The following SEMA3D variants were observed in gnomAD, a reference collection of about 807,000 sequenced individuals.
The protein encoded by SEMA3D is semaphorin 3D.
Under a neutral mutation model 100.1 loss-of-function variants are expected in SEMA3D, and 84 were observed. The ratio of observed to expected loss-of-function variants is 0.84; its 90% CI spans 0.70 to 1.01. The LOEUF (loss-of-function observed/expected upper bound fraction) is 1.01. SEMA3D is among the 50% of genes least tolerant of loss of function. SEMA3D has a pLI of 0.00. For missense variants in SEMA3D, 875 were observed against 934.1 expected (o/e 0.94, Z 0.82); for synonymous variants, 312 against 320.7 (o/e 0.97, Z 0.29).
At chr7:85,159,604 G>A (rs1282495066) in intron 1 of SEMA3D, among the ~76,000 whole-genome samples, 4 of 152,140 alleles carry the variant, frequency 2.6e-5, no homozygotes, top group Non-Finnish European at 5.9e-5. Context: ...AAGTGGTCAA[G>A]GTTCTTCTCA....
chr7:85,200,183 A>T, the SEMA3D span, among the ~76,000 whole-genome samples: 1 of 152,214 alleles, frequency 6.6e-6, no homozygotes, highest in African/African-American at 2.4e-5. Flanking sequence ...CTGAAAAGAT[A>T]CTAAAAAATG....
chr7:85,179,765 C>T (rs1206660780), intron 1 of SEMA3D, among the ~76,000 whole-genome samples: 1 of 151,792 alleles, frequency 6.6e-6, no homozygotes, highest in Non-Finnish European at 1.5e-5. Flanking sequence ...GGGCTCACAC[C>T]ATTCTCCTGC....
chr7:85,161,627 C>T (rs1384225667), intron 1 of SEMA3D, among the ~76,000 whole-genome samples: 1 of 151,992 alleles, frequency 6.6e-6, no homozygotes, highest in African/African-American at 2.4e-5. Flanking sequence ...AGTGAGATGG[C>T]TCTTCACAGA....
intron 12 of SEMA3D, chr7:85,029,428 C>T: frequency 1.3e-6 from 1 of 784,246 alleles, no homozygotes; most frequent in Non-Finnish European, 2.3e-6. Context: ...AGATGAGAAA[C>T]TTCAAGTCAA....
rs533259159 is a variant in SEMA3D, at chr7:85,170,498, T to C, written c.-173+16180A>G. Among the ~76,000 whole-genome samples the C allele has an allele frequency of 8.5e-5, 13 of 152,056 alleles. No individual in the cohort carries two copies. The East Asian group carries it at 9.7e-4, about 11-fold the overall frequency. On this transcript the variant is annotated intron_variant, in intron 1 of 18. Transcript: ENST00000284136. ...CTCAGGGAATCTAGGTCCTGAGAGA[T>C]ATATAAAAAGTTCTATGTCAGGCAG...
At chr7:85,142,004 A>G in intron 2 of SEMA3D, 2 of 979,052 alleles carry the variant, frequency 2.0e-6, no homozygotes, top group Non-Finnish European at 2.4e-6. Context: ...TAATGCATCA[A>G]GGTACTATTT....
chr7:85,044,623 C>T (rs2116008991), intron 9 of SEMA3D, among the ~76,000 whole-genome samples: 1 of 152,114 alleles, frequency 6.6e-6, no homozygotes, highest in Admixed American at 6.6e-5. Flanking sequence ...TTAAATGATT[C>T]CAAATCATTA....
At chr7:85,063,466 T>C (rs897911172) in intron 8 of SEMA3D, among the ~76,000 whole-genome samples, 3 of 152,214 alleles carry the variant, frequency 2.0e-5, no homozygotes, top group Non-Finnish European at 4.4e-5. Flanking sequence ...TCTCCTACCT[T>C]CAATTTATTT....
the SEMA3D span, among the ~76,000 whole-genome samples, chr7:85,211,601 G>A: frequency 6.6e-6 from 1 of 152,036 alleles, no homozygotes; most frequent in Non-Finnish European, 1.5e-5. Context: ...ACAAATGCAT[G>A]AAAGGCTTCA....
At chr7:85,220,153 A>G in the SEMA3D span, among the ~76,000 whole-genome samples, 1 of 152,080 alleles carries the variant, frequency 6.6e-6, no homozygotes, top group Non-Finnish European at 1.5e-5. Flanking sequence ...ATTCAAATAC[A>G]ACTGGTATTC....
At chr7:85,138,632 AT>A (rs1789936102) in intron 2 of SEMA3D, among the ~76,000 whole-genome samples, 1 of 137,130 alleles carries the variant, frequency 7.3e-6, no homozygotes, top group African/African-American at 2.8e-5. Flanking sequence ...TAATATATAA[AT>A]TAAATTATAT....
chr7:85,234,693 T>C, the SEMA3D span, among the ~76,000 whole-genome samples: 3,959 of 152,282 alleles, frequency 0.026, 184 homozygotes, highest in African/African-American at 0.091. Flanking sequence ...TAAAATTAGT[T>C]TTCCAAAGAA....
intron 1 of SEMA3D, among the ~76,000 whole-genome samples, chr7:85,185,642 G>A (rs1007111163): frequency 1.3e-5 from 2 of 152,162 alleles, no homozygotes; most frequent in Admixed American, 1.3e-4. Flanking sequence ...CAGTCCCCTG[G>A]ATCCCAAAGC....
At chr7:85,027,989 T>A (rs1790437817) in intron 12 of SEMA3D, 1 of 571,274 alleles carries the variant, frequency 1.8e-6, no homozygotes, top group African/African-American at 1.9e-5. Flanking sequence ...TTAGTGATAC[T>A]CCAAATAATC....
At position 85,022,679 on chromosome 7, in the gene SEMA3D, C is replaced by T. The variant is rs1790289375; in HGVS notation, c.1192-66G>A. 8.8e-6 allele frequency: 9 copies of T among 1,025,776 alleles called. No homozygotes were observed. The South Asian group carries it at 1.2e-4, about 13-fold the overall frequency. 63.5% of individuals were successfully genotyped at this position (1,025,776 alleles called of 1,614,324 possible). A position where few individuals can be genotyped will look rare whatever the true frequency, so the allele number is the denominator to read the frequency against. On this transcript the variant is annotated intron_variant, in intron 12 of 18. Transcript: ENST00000284136. ...CACCTGAGAAGTTCACACTTATTTC[C>T]AATAAAATTTGTATAGCTTATCATC...
chr7:85,142,633 T>A (rs1790087061), intron 2 of SEMA3D: 6 of 982,434 alleles, frequency 6.1e-6, no homozygotes, highest in Non-Finnish European at 7.2e-6. Flanking sequence ...TTTCAGAGAG[T>A]CCAGAAAGAG....
chr7:85,006,751 A>G (rs1198970279), intron 18 of SEMA3D, 51 bp downstream of exon 18: 11 of 1,473,082 alleles, frequency 7.5e-6, no homozygotes, highest in East Asian at 2.4e-5. Flanking sequence ...ACATCTCTCA[A>G]TCGTACACTA....
the SEMA3D span, among the ~76,000 whole-genome samples, chr7:85,195,403 C>A: frequency 2.0e-5 from 3 of 152,044 alleles, no homozygotes; most frequent in African/African-American, 7.2e-5. Context: ...CTGAAGAAAA[C>A]CCATATTTTA....
At chr7:85,220,077 T>C in the SEMA3D span, among the ~76,000 whole-genome samples, 1 of 152,054 alleles carries the variant, frequency 6.6e-6, no homozygotes, top group Non-Finnish European at 1.5e-5. Context: ...CTCCTAACTG[T>C]AATAATAAAA....
Sources: gnomAD v4.1 joint callset for allele counts (sites outside exome capture counted in the v4.1 genomes callset) on GRCh38, gnomAD v4.1.1 for gene constraint, MANE v1.5 for transcripts, NCBI Gene and HGNC (gene_info 2026-07-23, HGNC 2026-07-21) for gene names.